TEX9: variants seen among roughly 807,000 people sequenced by gnomAD.
TEX9 encodes the protein testis expressed 9.
Under a neutral mutation model 59.6 loss-of-function variants are expected in TEX9, and 74 were observed. The ratio of observed to expected loss-of-function variants is 1.24; its 90% CI spans 1.03 to 1.51. The LOEUF is 1.51. Ranked by LOEUF, TEX9 falls within the 40% of genes most tolerant of loss-of-function variation. The pLI is 0.00. For missense variants in TEX9, 522 were observed against 447.8 expected (o/e 1.17, Z -1.49); for synonymous variants, 186 against 152.2 (o/e 1.22, Z -1.64).
intron 1 of TEX9, among the ~76,000 whole-genome samples, chr15:56,350,294 T>C (rs2046552678): frequency 6.6e-6 from 1 of 152,222 alleles, no homozygotes; most frequent in African/African-American, 2.4e-5. Flanking sequence ...TGTCCAGAGA[T>C]TCAAATTACA....
At chr15:56,361,915 G>A (rs1339868384), upstream of TEX9, among the ~76,000 whole-genome samples, 1 of 152,104 alleles carries the variant, frequency 6.6e-6, no homozygotes, top group African/African-American at 2.4e-5. Context: ...CATAGTCCTG[G>A]TGATACTTCT....
intron 11 of TEX9, among the ~76,000 whole-genome samples, 184 bp downstream of exon 11, chr15:56,427,923 A>T (rs780958805): frequency 2.6e-5 from 4 of 152,122 alleles, no homozygotes; most frequent in Non-Finnish European, 5.9e-5. Context: ...TCATCTAAGC[A>T]AGTGGATATT....
At chr15:56,341,346 T>C (rs2046369058) in intron 1 of TEX9, among the ~76,000 whole-genome samples, 1 of 152,162 alleles carries the variant, frequency 6.6e-6, no homozygotes, top group Non-Finnish European at 1.5e-5. Flanking sequence ...GTAGATCCCA[T>C]TGCACTCAAC....
chr15:56,271,047 TC>T (rs2044516827), intron 1 of TEX9, among the ~76,000 whole-genome samples: 1 of 152,184 alleles, frequency 6.6e-6, no homozygotes, highest in Non-Finnish European at 1.5e-5. Context: ...ACATGACCTT[TC>T]TCTCTGGCTG....
chr15:56,282,733 G>T (rs1361763097), intron 1 of TEX9, among the ~76,000 whole-genome samples: 1 of 152,164 alleles, frequency 6.6e-6, no homozygotes, highest in Non-Finnish European at 1.5e-5. Context: ...AAGTGGGATT[G>T]AAGTAGATGT....
intron 1 of TEX9, among the ~76,000 whole-genome samples, chr15:56,311,300 C>A (rs1209278476): frequency 7.7e-5 from 9 of 116,872 alleles, no homozygotes; most frequent in Non-Finnish European, 1.4e-4. Context: ...CCCCTCCCCC[C>A]ACCCCACAAC....
chr15:56,334,584 T>G (rs1007126245), intron 1 of TEX9, among the ~76,000 whole-genome samples: 13 of 152,164 alleles, frequency 8.5e-5, no homozygotes, highest in Non-Finnish European at 1.5e-4. Context: ...TTTAGAACAT[T>G]GGTTTGGGCA....
intron 12 of TEX9, among the ~76,000 whole-genome samples, chr15:56,439,664 A>G (rs1198356682): frequency 6.6e-6 from 1 of 152,006 alleles, no homozygotes; most frequent in African/African-American, 2.4e-5. Flanking sequence ...ACTAAATCCA[A>G]TGGCAAAAAC....
At chr15:56,443,234 T>C (rs1456473581) in intron 12 of TEX9, among the ~76,000 whole-genome samples, 1 of 152,212 alleles carries the variant, frequency 6.6e-6, no homozygotes, top group Non-Finnish European at 1.5e-5. Context: ...ATGCTTTTTA[T>C]GGTAAGTTTA....
At chr15:56,346,398 G>T in intron 1 of TEX9, among the ~76,000 whole-genome samples, 1 of 152,148 alleles carries the variant, frequency 6.6e-6, no homozygotes, top group South Asian at 2.1e-4. Flanking sequence ...AGGCAGGATT[G>T]CAAATGGTGT....
At chr15:56,367,826 T>A (rs2047014352) in intron 2 of TEX9, among the ~76,000 whole-genome samples, 1 of 152,192 alleles carries the variant, frequency 6.6e-6, no homozygotes, top group East Asian at 1.9e-4. Flanking sequence ...ATTTTCTAAT[T>A]GGTTATAAAT....
At chr15:56,370,163 TTGTC>T (rs1399026862) in intron 2 of TEX9, among the ~76,000 whole-genome samples, 18 of 152,174 alleles carry the variant, frequency 1.2e-4, no homozygotes, top group African/African-American at 4.3e-4. Flanking sequence ...TCTTTGGTTC[TTGTC>T]TGTCTTCTGC....
intron 1 of TEX9, among the ~76,000 whole-genome samples, chr15:56,262,468 C>G (rs1387039292): frequency 2.6e-5 from 4 of 152,144 alleles, no homozygotes; most frequent in African/African-American, 9.7e-5. Flanking sequence ...GAGAACATAT[C>G]CTATGTGATT....
exon 11 of TEX9, chr15:56,427,713 T>G (rs2050375331): frequency 6.7e-7 from 1 of 1,494,238 alleles, no homozygotes; most frequent in African/African-American, 1.5e-5. Flanking sequence ...ACAGTTAAAA[T>G]TAATTGATGT....
chr15:56,322,887 A>G (rs2554287), intron 1 of TEX9, among the ~76,000 whole-genome samples: 75,092 of 151,960 alleles, frequency 0.49, 20,018 homozygotes, highest in Non-Finnish European at 0.6. Context: ...GAATGATGCT[A>G]AGAGTATAGT....
At chr15:56,390,491 T>A (rs1335766880) in intron 6 of TEX9, among the ~76,000 whole-genome samples, 3 of 151,980 alleles carry the variant, frequency 2.0e-5, no homozygotes, top group African/African-American at 7.2e-5. Flanking sequence ...CCACAAAAAA[T>A]TAAAATGAAT....
At chr15:56,358,235 A>G (rs1455313975) in intron 1 of TEX9, among the ~76,000 whole-genome samples, 1 of 152,128 alleles carries the variant, frequency 6.6e-6, no homozygotes, top group African/African-American at 2.4e-5. Context: ...GCCTACTATC[A>G]GAAGATCTTG....
At chr15:56,391,015 A>T (rs1243167230) in intron 6 of TEX9, among the ~76,000 whole-genome samples, 4 of 152,104 alleles carry the variant, frequency 2.6e-5, no homozygotes, top group African/African-American at 9.7e-5. Context: ...CTTGTAATAT[A>T]GTCCTTGAAA....
chr15:56,434,369 C>T, intron 12 of TEX9: 1 of 1,612,352 alleles, frequency 6.2e-7, no homozygotes, highest in Non-Finnish European at 8.5e-7. Flanking sequence ...TCTCTTTTTG[C>T]TTTCTCAATT....
Sources: allele counts gnomAD v4.1 joint callset (sites outside exome capture counted in the v4.1 genomes callset), GRCh38; gene constraint gnomAD v4.1.1; transcripts MANE v1.5; gene names NCBI Gene and HGNC (gene_info 2026-07-23, HGNC 2026-07-21).